GAS7: variants seen among roughly 807,000 people sequenced by gnomAD.
The protein encoded by GAS7 is growth arrest-specific protein 7.
GAS7 carries 28 observed loss-of-function variants against 71.1 expected under a neutral mutation model. The observed-to-expected ratio is 0.39, with a 90% confidence interval of 0.29 to 0.54. The LOEUF (loss-of-function observed/expected upper bound fraction) is 0.54. GAS7 is among the 20% of genes least tolerant of loss of function. GAS7 has a pLI of 0.62. For missense variants in GAS7, 436 were observed against 627.8 expected, an observed-to-expected ratio of 0.69 and a Z score of 3.27; for synonymous variants, 258 against 245.8, an observed-to-expected ratio of 1.05 and a Z score of -0.46.
At chr17:10,084,711 C>T (rs890693242) in intron 1 of GAS7, among the ~76,000 whole-genome samples, 2 of 152,196 alleles carry the variant, frequency 1.3e-5, no homozygotes, top group African/African-American at 2.4e-5. Flanking sequence ...AGGTGATCCA[C>T]GTGCCTCGGC....
chr17:10,140,582 GTGTA>G lies in GAS7; in HGVS notation c.183+57622_183+57625del, dbSNP rs532143808. Reference sequence around the variant, plus strand: ...ATATGCACGTATGTCTATATAGCTAGTGTATGTGTCTACAACTGCATGTGTGTTT... The same window carrying G: ...ATATGCACGTATGTCTATATAGCTAGTGTGTCTACAACTGCATGTGTGTTT... On this transcript the variant is annotated intron_variant, in intron 1 of 13. Transcript: ENST00000432992. 2.1e-4 allele frequency among the ~76,000 whole-genome samples: 32 copies of G among 150,976 alleles called. No individual in the cohort carries two copies. In the East Asian group the frequency reaches 5.8e-3, roughly 27 times the overall value.
At chr17:10,110,529 A>T (rs75651060) in intron 1 of GAS7, among the ~76,000 whole-genome samples, 4,030 of 152,146 alleles carry the variant, frequency 0.026, 71 homozygotes, top group East Asian at 0.064. Flanking sequence ...GCAATGGCGC[A>T]ATCTTGGCTC....
intron 2 of GAS7, among the ~76,000 whole-genome samples, chr17:9,987,757 G>C (rs1327527901): frequency 6.6e-6 from 1 of 152,250 alleles, no homozygotes; most frequent in East Asian, 1.9e-4. Context: ...TTTAAAAACA[G>C]TGAGCTAGGC....
chr17:10,004,996 C>G (rs1222884268), intron 2 of GAS7, among the ~76,000 whole-genome samples: 1 of 151,342 alleles, frequency 6.6e-6, no homozygotes, highest in Non-Finnish European at 1.5e-5. Flanking sequence ...GGCGACAGAG[C>G]AGGACTTCAT....
intron 2 of GAS7, among the ~76,000 whole-genome samples, chr17:10,013,058 G>A (rs576616954): frequency 2.1e-4 from 31 of 150,214 alleles, no homozygotes; most frequent in Non-Finnish European, 4.0e-4. Flanking sequence ...AGCCGAGATC[G>A]TGCCACTGCA....
chr17:10,006,996 CAT>C (rs2071562840), intron 2 of GAS7, among the ~76,000 whole-genome samples: 1 of 152,160 alleles, frequency 6.6e-6, no homozygotes, highest in Non-Finnish European at 1.5e-5. Context: ...GGCTACGATA[CAT>C]GTTTACCTAT....
chr17:9,985,485 A>G (rs748712206), intron 2 of GAS7, among the ~76,000 whole-genome samples: 1 of 152,172 alleles, frequency 6.6e-6, no homozygotes, highest in Non-Finnish European at 1.5e-5. Flanking sequence ...CCATCCCTGG[A>G]TATCACAACC....
At chr17:9,918,151 G>A (rs1463736682) in intron 12 of GAS7, 52 bp from the exon 13 acceptor site, 3 of 1,354,210 alleles carry the variant, frequency 2.2e-6, no homozygotes, top group Admixed American at 1.8e-5. Flanking sequence ...CTCCACTTGG[G>A]GGTCCCCCCA....
chr17:9,917,454 G>A (rs943739583), intron 13 of GAS7, 113 bp from the exon 14 acceptor site: 7 of 752,758 alleles, frequency 9.3e-6, no homozygotes, highest in Admixed American at 6.6e-5. Flanking sequence ...CCTCTCTAGA[G>A]GGCTCCGGGG....
chr17:10,104,282 C>T (rs2073737124), intron 1 of GAS7, among the ~76,000 whole-genome samples: 1 of 152,150 alleles, frequency 6.6e-6, no homozygotes, highest in Non-Finnish European at 1.5e-5. Flanking sequence ...CATTCAATGT[C>T]CCCTTTTTCC....
intron 9 of GAS7, among the ~76,000 whole-genome samples, chr17:9,930,611 T>C (rs2068174777): frequency 6.6e-6 from 1 of 152,230 alleles, no homozygotes. Context: ...AGCAATGGCT[T>C]GAGCTAATGG....
chr17:10,181,090 G>T (rs189817496), intron 1 of GAS7, among the ~76,000 whole-genome samples: 22 of 149,464 alleles, frequency 1.5e-4, no homozygotes, highest in Non-Finnish European at 2.7e-4. Context: ...GTGGGGGCAC[G>T]GTGGCTCACG....
intron 1 of GAS7, among the ~76,000 whole-genome samples, chr17:10,047,038 T>A (rs752632051): frequency 2.0e-5 from 3 of 152,096 alleles, no homozygotes; most frequent in Non-Finnish European, 4.4e-5. Context: ...TGCACTGACC[T>A]GAACACTGAG....
In GAS7 at chr17:9,954,433, G is replaced by A. The variant is rs3826532; in HGVS notation, c.525+4769C>T. Among the ~76,000 whole-genome samples, 107 of 150,572 alleles carry A rather than the reference G, an allele frequency of 7.1e-4. 1 individual carries two copies. The East Asian group carries it at 0.016, about 22-fold the overall frequency. ...ATAGAGGATGCACTGGAGGGAGAAC[G>A]TGACTGTGGCCATCAGGGCAGTCTG... On this transcript the variant is annotated intron_variant, in intron 5 of 13. Coordinates refer to ENST00000432992, the MANE Select transcript of GAS7 (RefSeq NM_201433.2).
At chr17:10,104,843 T>C (rs1400557584) in intron 1 of GAS7, among the ~76,000 whole-genome samples, 1 of 152,230 alleles carries the variant, frequency 6.6e-6, no homozygotes, top group Non-Finnish European at 1.5e-5. Flanking sequence ...ATGATCTTCT[T>C]GTTCCACTTT....
At chr17:10,006,828 T>C (rs1288778037) in intron 2 of GAS7, among the ~76,000 whole-genome samples, 2 of 152,240 alleles carry the variant, frequency 1.3e-5, no homozygotes, top group Non-Finnish European at 2.9e-5. Context: ...GCCACGCTGA[T>C]GACACTTAAG....
At chr17:10,036,069 C>T (rs1034047493) in intron 1 of GAS7, among the ~76,000 whole-genome samples, 4 of 152,188 alleles carry the variant, frequency 2.6e-5, no homozygotes, top group Non-Finnish European at 5.9e-5. Flanking sequence ...ATTAAAATCA[C>T]ATCACCACTC....
chr17:10,008,881 CAGAT>C (rs1384597719), intron 2 of GAS7, among the ~76,000 whole-genome samples: 1 of 152,094 alleles, frequency 6.6e-6, no homozygotes, highest in Non-Finnish European at 1.5e-5. Context: ...TTGCTCAACA[CAGAT>C]GGACAGAAAA....
chr17:10,157,296 A>AT (rs143878172), intron 1 of GAS7, among the ~76,000 whole-genome samples: 2,115 of 152,126 alleles, frequency 0.014, 35 homozygotes, highest in African/African-American at 0.049. Context: ...GAGGGGAATA[A>AT]TTTTTTTAAA....
Sources: gnomAD v4.1 joint callset for allele counts (sites outside exome capture counted in the v4.1 genomes callset) on GRCh38, gnomAD v4.1.1 for gene constraint, MANE v1.5 for transcripts, NCBI Gene and HGNC (gene_info 2026-07-23, HGNC 2026-07-21) for gene names.